The following CCDC148 variants were observed in gnomAD, a reference collection of about 807,000 sequenced individuals.
CCDC148 encodes the protein coiled-coil domain containing 148.
CCDC148 carries 89 observed loss-of-function variants against 85.7 expected under a neutral mutation model. The observed-to-expected ratio is 1.04, with a 90% CI of 0.87 to 1.24. CCDC148 has a LOEUF of 1.24. CCDC148 is among the 50% of genes most tolerant of loss of function. CCDC148 has a pLI of 0.00. For synonymous variants in CCDC148, 230 were observed against 213.9 expected, an observed-to-expected ratio of 1.08 and a Z score of -0.66; for missense variants, 692 against 671.7, an observed-to-expected ratio of 1.03 and a Z score of -0.33.
chr2:158,179,305 C>T (rs1019311470), intron 11 of CCDC148, among the ~76,000 whole-genome samples: 2 of 149,252 alleles, frequency 1.3e-5, no homozygotes, highest in South Asian at 4.3e-4. Context: ...ATTACAGGTA[C>T]CCGCCACCAT....
intron 1 of CCDC148, among the ~76,000 whole-genome samples, chr2:158,382,901 AC>A (rs1684935755): frequency 6.6e-6 from 1 of 152,112 alleles, no homozygotes. Context: ...AGCCTGGGTG[AC>A]AGAGTGAGAC....
intron 1 of CCDC148, among the ~76,000 whole-genome samples, chr2:158,439,528 T>C (rs1687840018): frequency 6.6e-6 from 1 of 151,720 alleles, no homozygotes; most frequent in African/African-American, 2.4e-5. Flanking sequence ...CTAATGTAAA[T>C]GATGAGTTAA....
chr2:158,281,251 A>G (rs1442830781), intron 9 of CCDC148, among the ~76,000 whole-genome samples: 3 of 152,166 alleles, frequency 2.0e-5, no homozygotes, highest in East Asian at 3.9e-4. Flanking sequence ...TTCAAAAGCT[A>G]GCAGAAGGCA....
In CCDC148 at chr2:158,433,744, G is replaced by A. The variant is rs563845978; in HGVS notation, c.25+22671C>T. On this transcript the variant is annotated intron_variant, in intron 1 of 13. Transcript: ENST00000283233. Reference sequence around the variant, plus strand: ...CTAGCCAAAGGAAGCTGTGACAGACGGTACCTGGAAAATCAGGACACTCAC... The same window carrying A: ...CTAGCCAAAGGAAGCTGTGACAGACAGTACCTGGAAAATCAGGACACTCAC... Among the ~76,000 whole-genome samples, 8 of 152,232 alleles carry A rather than the reference G, an allele frequency of 5.3e-5. No individual in the cohort carries two copies. In the South Asian group the frequency reaches 6.2e-4, roughly 12 times the overall value.
At position 158,340,115 on chromosome 2, in the gene CCDC148, T is replaced by G. The variant is rs543804298; in HGVS notation, c.486+127A>C. The G allele has an allele frequency of 1.0e-5, 7 of 681,480 alleles. No homozygotes were observed. The African/African-American group carries it at 1.1e-4, about 11-fold the overall frequency. 42.2% of individuals were successfully genotyped at this position (681,480 alleles called of 1,614,324 possible). Reference sequence around the variant, plus strand: ...GGATAGAATTAGCTGCCCTTCTATTTAAATATTATTTATGTATTAATATTA... The same window carrying G: ...GGATAGAATTAGCTGCCCTTCTATTGAAATATTATTTATGTATTAATATTA... On this transcript the variant is annotated intron_variant, in intron 5 of 13. Transcript: ENST00000283233.
chr2:158,334,203 G>A (rs540987327), intron 7 of CCDC148, among the ~76,000 whole-genome samples: 2 of 152,086 alleles, frequency 1.3e-5, no homozygotes, highest in Admixed American at 6.6e-5. Flanking sequence ...ATGAATTATG[G>A]TTCAGGGTTT....
intron 10 of CCDC148, among the ~76,000 whole-genome samples, chr2:158,233,156 A>G (rs1481265800): frequency 6.6e-6 from 1 of 152,124 alleles, no homozygotes; most frequent in Non-Finnish European, 1.5e-5. Context: ...CTATGTATCA[A>G]TTATTTAAAA....
intron 9 of CCDC148, among the ~76,000 whole-genome samples, chr2:158,292,450 T>C (rs1330207387): frequency 1.3e-5 from 2 of 152,240 alleles, no homozygotes; most frequent in Admixed American, 6.5e-5. Context: ...GATAATTCTA[T>C]GAAAATAAAT....
intron 10 of CCDC148, among the ~76,000 whole-genome samples, chr2:158,243,501 C>CTCAG (rs1688438013): frequency 6.6e-6 from 1 of 152,096 alleles, no homozygotes; most frequent in African/African-American, 2.4e-5. Flanking sequence ...AAAGCTATAC[C>CTCAG]ACAATCTTTT....
intron 1 of CCDC148, among the ~76,000 whole-genome samples, chr2:158,425,544 T>G (rs182992284): frequency 6.6e-6 from 1 of 152,228 alleles, no homozygotes; most frequent in Non-Finnish European, 1.5e-5. Flanking sequence ...TTTATTTGTA[T>G]GATTTTATAT....
At chr2:158,397,372 C>T (rs954123982) in intron 1 of CCDC148, among the ~76,000 whole-genome samples, 1 of 152,066 alleles carries the variant, frequency 6.6e-6, no homozygotes, top group African/African-American at 2.4e-5. Flanking sequence ...TAAGGGCAGC[C>T]AGAGAGAAAC....
At chr2:158,348,513 A>C (rs762564247) in intron 2 of CCDC148, among the ~76,000 whole-genome samples, 1 of 152,066 alleles carries the variant, frequency 6.6e-6, no homozygotes, top group African/African-American at 2.4e-5. Context: ...TTTTTGAGAC[A>C]ATCAGGGAAA....
chr2:158,315,047 G>A lies in CCDC148; in HGVS notation c.765-1153C>T, dbSNP rs142029674. The stretch of plus-strand genomic sequence containing the variant: ...AAAAAGTCCTATCTGTTTCATAATA[G>A]GGGGAAAAAAAGAGAGTTGGAGGTT... On this transcript the variant is annotated intron_variant, in intron 7 of 13. Transcript: ENST00000283233. 3.5e-3 allele frequency among the ~76,000 whole-genome samples: 540 copies of A among 152,140 alleles called. 4 individuals carry two copies. The highest frequency in any genetic ancestry group is 0.012 in the African/African-American group (517 of 41,520).
At chr2:158,278,481 A>C (rs1690076231) in intron 9 of CCDC148, among the ~76,000 whole-genome samples, 1 of 152,176 alleles carries the variant, frequency 6.6e-6, no homozygotes, top group South Asian at 2.1e-4. Context: ...TATATCCTGC[A>C]CCTGGCTGGG....
intron 10 of CCDC148, among the ~76,000 whole-genome samples, chr2:158,239,243 C>G (rs979732331): frequency 6.6e-6 from 1 of 152,050 alleles, no homozygotes; most frequent in Non-Finnish European, 1.5e-5. Flanking sequence ...AATGGGAAGT[C>G]TTTTCCAGAA....
At chr2:158,413,969 A>C (rs1686380260) in intron 1 of CCDC148, among the ~76,000 whole-genome samples, 1 of 152,216 alleles carries the variant, frequency 6.6e-6, no homozygotes, top group African/African-American at 2.4e-5. Flanking sequence ...GAATTACAGA[A>C]AAAACAGACT....
intron 2 of CCDC148, among the ~76,000 whole-genome samples, chr2:158,355,334 T>A (rs375676902): frequency 6.6e-6 from 1 of 151,872 alleles, no homozygotes; most frequent in African/African-American, 2.4e-5. Flanking sequence ...AAAACCCCAT[T>A]GTCTCAGCCC....
chr2:158,378,291 A>G (rs540550058), intron 1 of CCDC148, among the ~76,000 whole-genome samples: 1 of 152,278 alleles, frequency 6.6e-6, no homozygotes, highest in African/African-American at 2.4e-5. Flanking sequence ...AATTCAGAGC[A>G]AGGCCCTAAC....
chr2:158,433,564 C>G (rs142871164), intron 1 of CCDC148, among the ~76,000 whole-genome samples: 33 of 152,052 alleles, frequency 2.2e-4, no homozygotes, highest in African/African-American at 7.0e-4. Flanking sequence ...GCATGAGCAA[C>G]GCAGAATATA....
Sources: gnomAD v4.1 joint callset for allele counts (sites outside exome capture counted in the v4.1 genomes callset) on GRCh38, gnomAD v4.1.1 for gene constraint, MANE v1.5 for transcripts, NCBI Gene and HGNC (gene_info 2026-07-23, HGNC 2026-07-21) for gene names.